Variants in TCP10L observed in about 807,000 individuals in gnomAD.
TCP10L encodes T-complex protein 10A homolog 1.
In TCP10L, 11 loss-of-function variants were observed where a neutral mutation model predicts 19.2. The observed-to-expected ratio is 0.57, with a 90% CI of 0.36 to 0.95. TCP10L has a LOEUF of 0.95. TCP10L is among the 40% of genes least tolerant of loss of function. TCP10L has a pLI of 0.01. For synonymous variants in TCP10L, 96 were observed against 97.2 expected, an observed-to-expected ratio of 0.99 and a Z score of 0.07; for missense variants, 247 against 263.9, an observed-to-expected ratio of 0.94 and a Z score of 0.44.
At chr21:32,584,961 CA>C (rs776011053) in intron 1 of TCP10L, among the ~76,000 whole-genome samples, 3 of 152,142 alleles carry the variant, frequency 2.0e-5, no homozygotes, top group African/African-American at 4.8e-5. Flanking sequence ...AATTAGAGAA[CA>C]AAAACGAAAG....
rs1166926162 is a variant in TCP10L at position 32,573,940 on chromosome 21, G to A, written c.*2834C>T. Among the ~76,000 whole-genome samples, 1 of 152,014 alleles carries A rather than the reference G, an allele frequency of 6.6e-6. No homozygotes were observed. The highest frequency in any genetic ancestry group is 1.5e-5 in the Non-Finnish European group (1 of 67,994). ...GGCTTCCAGGCAAACCCATTAGCTG[G>A]ATCCCCAAACAAAATAAAATCCCAA... On this transcript the variant is annotated 3_prime_UTR_variant, in exon 5 of 5. Transcript: ENST00000300258.
rs754131525 is a variant in TCP10L at position 32,582,418 on chromosome 21, G to A, written c.145-3C>T. The A allele has an allele frequency of 6.2e-7, 1 of 1,609,516 alleles. No individual in the cohort carries two copies. The highest frequency in any genetic ancestry group is 1.1e-5 in the South Asian group (1 of 89,830). On this transcript the variant is annotated splice_region_variant and splice_polypyrimidine_tract_variant and intron_variant, in intron 2 of 4. Transcript: ENST00000300258. This position sits in a 1 kb window ranked among gnomAD's most constrained non-coding sequence, Gnocchi z 4.2. ...CTGATGATCTGCTGCTGTAATGGCTGTTATTGGGAAGAGAACACCAGAAAA... is the reference window on the plus strand; with the variant it reads ...CTGATGATCTGCTGCTGTAATGGCTATTATTGGGAAGAGAACACCAGAAAA...
chr21:32,584,980 C>T (rs990382749), intron 1 of TCP10L, among the ~76,000 whole-genome samples: 8 of 152,254 alleles, frequency 5.3e-5, no homozygotes, highest in South Asian at 2.1e-4. Context: ...AAGAGAAAAA[C>T]GCAAAGCTTT....
intron 2 of TCP10L, among the ~76,000 whole-genome samples, chr21:32,583,579 A>C (rs1248699402): frequency 2.5e-5 from 3 of 122,142 alleles, no homozygotes; most frequent in African/African-American, 3.4e-5. Context: ...ACAGAGCGAG[A>C]CTCCGTCTCA....
intron 4 of TCP10L, among the ~76,000 whole-genome samples, chr21:32,577,137 T>G (rs1417344401): frequency 6.6e-6 from 1 of 152,218 alleles, no homozygotes; most frequent in Non-Finnish European, 1.5e-5. Flanking sequence ...ATGGCTGATA[T>G]TGTAAAGTCA....
Position 32,582,541 on chromosome 21 carries a change from G to T in TCP10L, c.145-126C>A. ...ATTTCTGGAATAAAAGACACCCGAT[G>T]AGATAAACAGGACTACCACAGCCTT... On this transcript the variant is annotated intron_variant, in intron 2 of 4. Transcript: ENST00000300258. The surrounding 1 kb of genome is among the most constrained non-coding windows in gnomAD (Gnocchi z 4.2). 2 of 778,500 alleles carry T rather than the reference G, an allele frequency of 2.6e-6. No individual in the cohort carries two copies. The highest frequency in any genetic ancestry group is 4.1e-6 in the Non-Finnish European group (2 of 485,950). The allele number at this position is 778,500 out of a possible 1,614,324, so 48.2% of individuals were successfully genotyped here.
intron 3 of TCP10L, among the ~76,000 whole-genome samples, chr21:32,580,418 G>GC (rs1324588565): frequency 4.0e-5 from 6 of 151,396 alleles, no homozygotes; most frequent in Non-Finnish European, 2.9e-5. Flanking sequence ...GGCTGTTTTT[G>GC]CTGTGCTTGG....
chr21:32,583,098 A>G (rs2038515461), intron 2 of TCP10L, among the ~76,000 whole-genome samples: 1 of 128,794 alleles, frequency 7.8e-6, no homozygotes, highest in African/African-American at 3.0e-5. Flanking sequence ...GCAGTGGCGC[A>G]GTCTCAGCTC....
chr21:32,581,189 C>T (rs533414321), intron 3 of TCP10L, among the ~76,000 whole-genome samples: 32 of 152,326 alleles, frequency 2.1e-4, no homozygotes, highest in Admixed American at 1.4e-3. Flanking sequence ...CATCGACTGG[C>T]GGAATGACAC....
intron 2 of TCP10L, among the ~76,000 whole-genome samples, chr21:32,583,024 CTTTTTTTTTTTTTTTTT>C (rs59972145): frequency 1.1e-5 from 1 of 94,798 alleles, no homozygotes; most frequent in Non-Finnish European, 2.1e-5. Flanking sequence ...CATTCTTTTC[CTTTTTTTTTTTTTTTTT>C]TTTTTTTTTT....
Position 32,582,098 on chromosome 21 carries a change from G to A in TCP10L, c.360+102C>T, listed in dbSNP as rs1378235796. On this transcript the variant is annotated intron_variant, in intron 3 of 4. Transcript: ENST00000300258. This position sits in a 1 kb window ranked among gnomAD's most constrained non-coding sequence, Gnocchi z 4.2. ...AGCAACCCCTCCCACCACCCGGAGC[G>A]TGAGTGATACCGCGTCATTCAGCAA... 17 of 1,333,196 alleles carry A rather than the reference G, an allele frequency of 1.3e-5. No homozygotes were observed. Among genetic ancestry groups the A allele is most frequent in the African/African-American group, 5.8e-5 (4 of 68,444 alleles). 82.6% of individuals were successfully genotyped at this position (1,333,196 alleles called of 1,614,324 possible).
chr21:32,585,345 G>A lies in TCP10L; in HGVS notation c.-2+76C>T, dbSNP rs761106012. On this transcript the variant is annotated intron_variant, in intron 1 of 4. Coordinates refer to ENST00000300258, the MANE Select transcript of TCP10L (RefSeq NM_144659.7). ...TCTGAGGGGACACCCCAGTGTCCTC[G>A]GCCCCAAACTCATGACCCCCTCAGT... 15 of 243,370 alleles carry A rather than the reference G, an allele frequency of 6.2e-5. 2 individuals carry two copies. Among genetic ancestry groups the A allele is most frequent in the South Asian group, 5.3e-4 (12 of 22,632 alleles). 15.1% of individuals were successfully genotyped at this position (243,370 alleles called of 1,614,324 possible).
chr21:32,582,093 G>C lies in TCP10L; in HGVS notation c.360+107C>G. ...AAGATAGCAACCCCTCCCACCACCC[G>C]GAGCGTGAGTGATACCGCGTCATTC... On this transcript the variant is annotated intron_variant, in intron 3 of 4. Transcript: ENST00000300258. This position sits in a 1 kb window ranked among gnomAD's most constrained non-coding sequence, Gnocchi z 4.2. The C allele has an allele frequency of 7.8e-7, 1 of 1,284,888 alleles. No individual in the cohort carries two copies. Among genetic ancestry groups the C allele is most frequent in the East Asian group, 2.3e-5 (1 of 42,786 alleles). The allele number at this position is 1,284,888 out of a possible 1,614,324, so 79.6% of individuals were successfully genotyped here.
chr21:32,581,309 C>T (rs1049853312), intron 3 of TCP10L, among the ~76,000 whole-genome samples: 8 of 152,214 alleles, frequency 5.3e-5, no homozygotes, highest in Admixed American at 2.6e-4. Flanking sequence ...CATCTGCTGA[C>T]AGGTATCACC....
chr21:32,582,539 A>G lies in TCP10L; in HGVS notation c.145-124T>C, dbSNP rs553453471. 1 of 823,894 alleles carries G rather than the reference A, an allele frequency of 1.2e-6. No individual in the cohort carries two copies. Among genetic ancestry groups the G allele is most frequent in the South Asian group, 1.8e-5 (1 of 54,982 alleles). The allele number at this position is 823,894 out of a possible 1,614,324, so 51.0% of individuals were successfully genotyped here. Reference sequence around the variant, plus strand: ...CTATTTCTGGAATAAAAGACACCCGATGAGATAAACAGGACTACCACAGCC... The same window carrying G: ...CTATTTCTGGAATAAAAGACACCCGGTGAGATAAACAGGACTACCACAGCC... On this transcript the variant is annotated intron_variant, in intron 2 of 4. Coordinates refer to ENST00000300258, the MANE Select transcript of TCP10L (RefSeq NM_144659.7). This position sits in a 1 kb window ranked among gnomAD's most constrained non-coding sequence, Gnocchi z 4.2.
At position 32,576,879 on chromosome 21, in the gene TCP10L, T is replaced by A; in HGVS notation, c.543A>T (p.Pro181=). 6.2e-7 allele frequency: 1 copy of A among 1,614,144 alleles called. No individual in the cohort carries two copies. The highest frequency in any genetic ancestry group is 8.5e-7 in the Non-Finnish European group (1 of 1,179,996). The change falls in exon 5 of 5, where the codon CCA becomes CCT. Residue 181 remains proline (P), a synonymous_variant. Coordinates refer to ENST00000300258, the MANE Select transcript of TCP10L (RefSeq NM_144659.7). The part of the protein sequence containing the change: ...KIERISSWKT[P]PQENRDKNLS... ...GATTTTTATCTCTATTTTCCTGTGG[T>A]GGTGTTTTCCACGAGCTAATTCTTT...
Position 32,584,324 on chromosome 21 carries a change from G to A in TCP10L, c.-1-19C>T. The stretch of plus-strand genomic sequence containing the variant: ...CAGCATCCTGGTTGGGAAGGGAAGG[G>A]CTATGGGGACACTTGAATGCAGCCC... On this transcript the variant is annotated intron_variant, in intron 1 of 4. Transcript: ENST00000300258. 2.5e-6 allele frequency: 4 copies of A among 1,608,852 alleles called. No individual in the cohort carries two copies. Among genetic ancestry groups the A allele is most frequent in the Non-Finnish European group, 3.4e-6 (4 of 1,177,100 alleles).
In TCP10L at chr21:32,574,853, C is replaced by T. The variant is rs1327837796; in HGVS notation, c.*1921G>A. 1 of 154,208 alleles carries T rather than the reference C, an allele frequency of 6.5e-6. No homozygotes were observed. The highest frequency in any genetic ancestry group is 2.4e-5 in the African/African-American group (1 of 41,460). The allele number at this position is 154,208 out of a possible 1,614,324, so 9.6% of individuals were successfully genotyped here. A position where few individuals can be genotyped will look rare whatever the true frequency, so the allele number is the denominator to read the frequency against. ...CAACAACAAATGATCCTGTAAGGAA[C>T]ATTAATTCTTTAATGAATACACTCA... is the stretch of plus-strand genomic sequence containing the variant. On this transcript the variant is annotated 3_prime_UTR_variant, in exon 5 of 5. Transcript: ENST00000300258.
chr21:32,576,154 C>T lies in TCP10L; in HGVS notation c.*620G>A, dbSNP rs1029504109. On this transcript the variant is annotated 3_prime_UTR_variant, in exon 5 of 5. Transcript: ENST00000300258. ...AAGATGTTCTGCTCACGCGTATCCA[C>T]GAGAAAGCCCCGCATTTCACGGGGA... 55 of 1,035,622 alleles carry T rather than the reference C, an allele frequency of 5.3e-5. No individual in the cohort carries two copies. The highest frequency in any genetic ancestry group is 1.4e-4 in the South Asian group (9 of 64,156). The allele number at this position is 1,035,622 out of a possible 1,614,324, so 64.2% of individuals were successfully genotyped here. A position where few individuals can be genotyped will look rare whatever the true frequency, so the allele number is the denominator to read the frequency against.
Sources: allele counts gnomAD v4.1 joint callset (sites outside exome capture counted in the v4.1 genomes callset), GRCh38; gene constraint gnomAD v4.1.1; non-coding constraint Gnocchi (gnomAD v3.1); transcripts MANE v1.5; gene names NCBI Gene and HGNC (gene_info 2026-07-23, HGNC 2026-07-21).